ZNF831: variants seen among roughly 807,000 people sequenced by gnomAD.
ZNF831 encodes the protein zinc finger protein 831.
In ZNF831, 59 loss-of-function variants were observed where a neutral mutation model predicts 95.8. The observed-to-expected ratio is 0.62, with a 90% CI of 0.50 to 0.77. The LOEUF (loss-of-function observed/expected upper bound fraction) is 0.77. ZNF831 is among the 30% of genes least tolerant of loss of function. The pLI, the probability that ZNF831 is intolerant of heterozygous loss-of-function variation, is 0.00. For synonymous variants in ZNF831, 961 were observed against 925.5 expected, an observed-to-expected ratio of 1.04 and a Z score of -0.70; for missense variants, 2,205 against 2,164.0, an observed-to-expected ratio of 1.02 and a Z score of -0.38.
At chr20:59,206,868 A>G in intron 3 of ZNF831, 37 bp from the exon 4 acceptor site, 1 of 1,602,628 alleles carries the variant, frequency 6.2e-7, no homozygotes, top group Non-Finnish European at 8.5e-7. Flanking sequence ...TGTGCTCTCC[A>G]GGCTGGTTAC....
chr20:59,182,150 T>C (rs1359848858), intron 1 of ZNF831, among the ~76,000 whole-genome samples: 2 of 152,202 alleles, frequency 1.3e-5, no homozygotes, highest in African/African-American at 4.8e-5. Context: ...GTGGATTAGA[T>C]GGCTTAGGGC....
At chr20:59,127,237 C>T (rs540506836) in intron 1 of ZNF831, among the ~76,000 whole-genome samples, 2 of 152,246 alleles carry the variant, frequency 1.3e-5, no homozygotes, top group African/African-American at 4.8e-5. Flanking sequence ...ACCTCCATCA[C>T]TGTCTCTTGA....
At chr20:59,134,385 G>T (rs1248717628) in intron 1 of ZNF831, among the ~76,000 whole-genome samples, 1 of 152,230 alleles carries the variant, frequency 6.6e-6, no homozygotes, top group Non-Finnish European at 1.5e-5. Flanking sequence ...CAAGGACAGT[G>T]CCTGACATGT....
chr20:59,225,428 G>T (rs1278947518), intron 4 of ZNF831, among the ~76,000 whole-genome samples: 1 of 152,128 alleles, frequency 6.6e-6, no homozygotes, highest in Non-Finnish European at 1.5e-5. Context: ...TAAATTTGTG[G>T]AGTCACCAAG....
At chr20:59,134,030 C>T (rs911204345) in intron 1 of ZNF831, among the ~76,000 whole-genome samples, 1 of 152,216 alleles carries the variant, frequency 6.6e-6, no homozygotes, top group Non-Finnish European at 1.5e-5. Context: ...AGCTCAGATG[C>T]TCCTCCTTGG....
At position 59,217,041 on chromosome 20, in the gene ZNF831, T is replaced by G. The variant is rs892261945; in HGVS notation, c.4027+9985T>G. Among the ~76,000 whole-genome samples, 25 of 152,146 alleles carry G rather than the reference T, an allele frequency of 1.6e-4. No homozygotes were observed. The highest frequency in any genetic ancestry group is 5.8e-4 in the African/African-American group (24 of 41,436). On this transcript the variant is annotated intron_variant, in intron 4 of 5. Transcript: ENST00000371030. This position sits in a 1 kb window ranked among gnomAD's most constrained non-coding sequence, Gnocchi z 4.4. ...TTACACGTGTAATCATGAATAATAC[T>G]TAACACATAAAAATGCAATAGATAA...
rs868210768 is a variant in ZNF831, at chr20:59,148,541, A to G, written c.-1281+2167A>G. On this transcript the variant is annotated intron_variant, in intron 2 of 7. Transcript: ENST00000637017. ...CTAAAAATACAAAAATTAGCCGGGC[A>G]TGGTGGCGCGCGCCTGTAGTCCCAG... 9.9e-4 allele frequency among the ~76,000 whole-genome samples: 138 copies of G among 138,812 alleles called. 13 individuals carry two copies. The highest frequency in any genetic ancestry group is 3.6e-3 in the African/African-American group (129 of 36,240). The allele number at this position is 138,812 out of a possible 152,430, so 91.1% of individuals were successfully genotyped here.
upstream of ZNF831, among the ~76,000 whole-genome samples, chr20:59,159,370 T>A (rs1490611454): frequency 3.3e-5 from 5 of 152,032 alleles, no homozygotes; most frequent in Admixed American, 6.5e-5. Context: ...GGGAATAAAG[T>A]TTCCTTTTCA....
intron 4 of ZNF831, among the ~76,000 whole-genome samples, chr20:59,232,311 A>T (rs755359270): frequency 6.6e-6 from 1 of 152,210 alleles, no homozygotes; most frequent in Non-Finnish European, 1.5e-5. Context: ...CATTAAATGG[A>T]GTTTAAAAAA....
chr20:59,179,403 C>T (rs908623807), intron 1 of ZNF831, among the ~76,000 whole-genome samples: 1 of 152,124 alleles, frequency 6.6e-6, no homozygotes, highest in Non-Finnish European at 1.5e-5. Context: ...GATTTGTTTC[C>T]TGAGCCTGCA....
chr20:59,161,623 GGTGTATATATGC>G (rs1304757159), upstream of ZNF831, among the ~76,000 whole-genome samples: 9 of 152,226 alleles, frequency 5.9e-5, no homozygotes, highest in African/African-American at 2.2e-4. Flanking sequence ...TATATTCCGT[GGTGTATATATGC>G]CACTTTTTCT....
chr20:59,166,369 T>C (rs963281714), intron 1 of ZNF831, among the ~76,000 whole-genome samples: 8 of 152,208 alleles, frequency 5.3e-5, no homozygotes, highest in African/African-American at 1.9e-4. Flanking sequence ...AATTAGCCTC[T>C]TTGTTTTGAG....
chr20:59,173,944 T>A (rs1441476556), intron 1 of ZNF831, among the ~76,000 whole-genome samples: 1 of 152,068 alleles, frequency 6.6e-6, no homozygotes, highest in Non-Finnish European at 1.5e-5. Flanking sequence ...GGCATTCAGG[T>A]CTCATTGGAG....
chr20:59,148,668 AAACT>A (rs1470934278), intron 2 of ZNF831, among the ~76,000 whole-genome samples: 1 of 96,772 alleles, frequency 1.0e-5, no homozygotes, highest in Admixed American at 1.0e-4. Flanking sequence ...CGACAGAGCG[AAACT>A]CCGTCTCAAA....
At position 59,232,493 on chromosome 20, in the gene ZNF831, C is replaced by T. The variant is rs528328778; in HGVS notation, c.4028-20485C>T. On this transcript the variant is annotated intron_variant, in intron 4 of 5. Transcript: ENST00000371030. ...GAATTCTCCCCAGAGTCCGCCTCAGCCCTGGGACCCCCGAGACACTGGGCA... is the reference window on the plus strand; with the variant it reads ...GAATTCTCCCCAGAGTCCGCCTCAGTCCTGGGACCCCCGAGACACTGGGCA... Among the ~76,000 whole-genome samples the T allele has an allele frequency of 4.6e-4, 68 of 149,112 alleles. 1 individual carries two copies. Among genetic ancestry groups the T allele is most frequent in the African/African-American group, 1.6e-3 (66 of 40,428 alleles).
intron 1 of ZNF831, among the ~76,000 whole-genome samples, chr20:59,126,380 C>T (rs1191897884): frequency 6.6e-6 from 1 of 152,196 alleles, no homozygotes; most frequent in African/African-American, 2.4e-5. Flanking sequence ...AAATGCCCTG[C>T]TCCTCCAAGT....
At chr20:59,161,382 A>C (rs1218079243), upstream of ZNF831, among the ~76,000 whole-genome samples, 1 of 151,888 alleles carries the variant, frequency 6.6e-6, no homozygotes, top group Non-Finnish European at 1.5e-5. Context: ...GGTTCAAGCT[A>C]TTATCCTGCC....
Position 59,193,397 on chromosome 20 carries a change from G to A in ZNF831, c.2378G>A (p.Gly793Glu), listed in dbSNP as rs754353636. The A allele has an allele frequency of 8.1e-6, 13 of 1,601,536 alleles. No homozygotes were observed. The Admixed American group carries it at 2.2e-4, about 27-fold the overall frequency. ...PKLEGGARGV[G>E]DVQETCLWAQ... is the part of the protein sequence containing the mutation. ...CTGGAAGGAGGTGCCCGAGGTGTGG[G>A]GGATGTTCAGGAGACCTGCCTGTGG... The change falls in exon 2 of 6, where the codon GGG becomes GAG. Residue 793 changes from glycine (G) to glutamate (E), a missense_variant. Coordinates refer to ENST00000371030, the MANE Select transcript of ZNF831 (RefSeq NM_178457.3).
At chr20:59,173,212 A>C (rs1258982126) in intron 1 of ZNF831, among the ~76,000 whole-genome samples, 7 of 152,174 alleles carry the variant, frequency 4.6e-5, no homozygotes, top group African/African-American at 1.7e-4. Flanking sequence ...CTCGAGTTTT[A>C]GGATCCCCTT....
Sources: allele counts gnomAD v4.1 joint callset (sites outside exome capture counted in the v4.1 genomes callset), GRCh38; gene constraint gnomAD v4.1.1; non-coding constraint Gnocchi (gnomAD v3.1); transcripts MANE v1.5; gene names NCBI Gene and HGNC (gene_info 2026-07-23, HGNC 2026-07-21).